ZKSCAN3: variants seen among roughly 807,000 people sequenced by gnomAD.
The protein encoded by ZKSCAN3 is zinc finger with KRAB and SCAN domains 3, also known as zinc finger protein with KRAB and SCAN domains 3.
A neutral mutation model predicts 30.7 loss-of-function variants in ZKSCAN3; 21 were observed. That is an observed-to-expected ratio of 0.68 (90% CI 0.49 to 0.99). ZKSCAN3 has a LOEUF of 0.99. ZKSCAN3 is among the 50% of genes least tolerant of loss of function. The probability of loss-of-function intolerance (pLI) is 0.00; values close to 1 mark genes in which losing one functional copy is unlikely to be tolerated. For synonymous variants in ZKSCAN3, 201 were observed against 246.7 expected, an observed-to-expected ratio of 0.81 and a Z score of 1.73; for missense variants, 507 against 647.1, an observed-to-expected ratio of 0.78 and a Z score of 2.35.
At position 28,361,342 on chromosome 6, in the gene ZKSCAN3, G is replaced by C; in HGVS notation, c.421G>C (p.Gly141Arg). The change falls in exon 3 of 6, where the codon GGG becomes CGG. Residue 141 changes from glycine (G) to arginine (R), a missense_variant. Physicochemically the swap from Gly to Arg is moderately radical, Grantham distance 125. Coordinates refer to ENST00000252211, the MANE Select transcript of ZKSCAN3 (RefSeq NM_024493.4). ...TTTCTAGGTTTCAGGTGTTGACCAG[G>C]GGCAAGAACTGCTCTGTTGCAAGAT... ...PAPQVSGVDQ[G>R]QELLCCKMAL... 1.9e-6 allele frequency: 3 copies of C among 1,612,274 alleles called. No individual in the cohort carries two copies. Among genetic ancestry groups the C allele is most frequent in the Admixed American group, 3.4e-5 (2 of 59,522 alleles).
chr6:28,363,832 C>T lies in ZKSCAN3; in HGVS notation c.757+17C>T, dbSNP rs750956595. The T allele has an allele frequency of 6.2e-7, 1 of 1,611,944 alleles. No individual in the cohort carries two copies. Among genetic ancestry groups the T allele is most frequent in the South Asian group, 1.1e-5 (1 of 90,980 alleles). On this transcript the variant is annotated intron_variant, in intron 5 of 5. Coordinates refer to ENST00000252211, the MANE Select transcript of ZKSCAN3 (RefSeq NM_024493.4). Reference sequence around the variant, plus strand: ...TCTCCCTGGGTAAGACTAAAGGACACTAATTTCTGTTAAGGTTTCTTGGCA... The same window carrying T: ...TCTCCCTGGGTAAGACTAAAGGACATTAATTTCTGTTAAGGTTTCTTGGCA...
chr6:28,354,166 C>A (rs1225893531), intron 1 of ZKSCAN3: 1 of 352,062 alleles, frequency 2.8e-6, no homozygotes, highest in African/African-American at 2.1e-5. Flanking sequence ...TTCTCTCTTA[C>A]AGGGTCAGCA....
intron 1 of ZKSCAN3, chr6:28,353,810 AAAAG>A (rs1765227495): frequency 4.4e-6 from 2 of 456,758 alleles, no homozygotes; most frequent in Non-Finnish European, 8.8e-6. Context: ...CTTATTTAAA[AAAAG>A]AAAGACCAGT....
chr6:28,353,992 G>A (rs1400774770), intron 1 of ZKSCAN3: 1 of 454,286 alleles, frequency 2.2e-6, no homozygotes, highest in Non-Finnish European at 4.4e-6. Flanking sequence ...AGCAGCAGCT[G>A]CTGCAGCTCT....
At position 28,368,801 on chromosome 6, in the gene ZKSCAN3, A is replaced by G. The variant is rs1766074787; in HGVS notation, c.*2516A>G. On this transcript the variant is annotated 3_prime_UTR_variant, in exon 6 of 6. Coordinates refer to ENST00000252211, the MANE Select transcript of ZKSCAN3 (RefSeq NM_024493.4). ...TTCCTTTTTTGTTAGTATCACTTCT[A>G]CTTATTGTAGAAATATGCTTTCATT... 6.5e-6 allele frequency: 1 copy of G among 154,888 alleles called. No homozygotes were observed. The highest frequency in any genetic ancestry group is 2.4e-5 in the African/African-American group (1 of 41,496). The allele number at this position is 154,888 out of a possible 1,614,324, so 9.6% of individuals were successfully genotyped here. A position where few individuals can be genotyped will look rare whatever the true frequency, so the allele number is the denominator to read the frequency against.
At chr6:28,360,807 G>T in intron 2 of ZKSCAN3, 3 of 959,154 alleles carry the variant, frequency 3.1e-6, no homozygotes, top group Non-Finnish European at 3.7e-6. Context: ...AGCTGCACAT[G>T]AGAAAGTAAC....
intron 3 of ZKSCAN3, 105 bp from the exon 4 acceptor site, chr6:28,363,198 C>G: frequency 2.0e-6 from 2 of 1,014,036 alleles, no homozygotes; most frequent in Non-Finnish European, 2.9e-6. Flanking sequence ...TGGGCTCAAT[C>G]AAGTGAGACA....
chr6:28,358,422 T>C (rs1765564231), intron 1 of ZKSCAN3, among the ~76,000 whole-genome samples: 1 of 152,226 alleles, frequency 6.6e-6, no homozygotes, highest in African/African-American at 2.4e-5. Context: ...GTAAACACTT[T>C]TTATATTGTA....
At position 28,366,198 on chromosome 6, in the gene ZKSCAN3, TA is replaced by T; in HGVS notation, c.1532del (p.Asn511MetfsTer21). On this transcript the variant is annotated frameshift_variant, in exon 6 of 6. Coordinates refer to ENST00000252211, the MANE Select transcript of ZKSCAN3 (RefSeq NM_024493.4). LOFTEE classifies it high-confidence loss of function. ...ACACTGGTGAGAAACCCTATCAGTGTAATGCGTGTGGAAAAGGCTTCACCCG... is the reference window on the plus strand; with the variant it reads ...ACACTGGTGAGAAACCCTATCAGTGTATGCGTGTGGAAAAGGCTTCACCCG... ...IHTGEKPYQC[N>X]ACGKGFTRIS... 1 of 1,593,572 alleles carries T rather than the reference TA, an allele frequency of 6.3e-7. No individual in the cohort carries two copies. The highest frequency in any genetic ancestry group is 1.8e-5 in the Admixed American group (1 of 54,170).
Position 28,359,692 on chromosome 6 carries a change from A to C in ZKSCAN3, c.106A>C (p.Ser36Arg). The change falls in exon 2 of 6, where the codon AGT becomes CGT. Residue 36 changes from serine (S) to arginine (R), a missense_variant. By Grantham distance (110) the Ser-to-Arg change is moderately radical. Coordinates refer to ENST00000252211, the MANE Select transcript of ZKSCAN3 (RefSeq NM_024493.4). ...KVEEEEAGFP[S>R]SPDLGSEGSR... is the part of the protein sequence containing the mutation. Reference sequence around the variant, plus strand: ...GGAGGAAGAAGAAGCCGGTTTTCCCAGTAGCCCAGATCTGGGTTCTGAGGG... The same window carrying C: ...GGAGGAAGAAGAAGCCGGTTTTCCCCGTAGCCCAGATCTGGGTTCTGAGGG... The C allele has an allele frequency of 1.9e-6, 3 of 1,614,236 alleles. No individual in the cohort carries two copies. The highest frequency in any genetic ancestry group is 2.5e-6 in the Non-Finnish European group (3 of 1,180,044).
chr6:28,361,610 G>A, intron 3 of ZKSCAN3, 139 bp downstream of exon 3: 2 of 957,710 alleles, frequency 2.1e-6, no homozygotes, highest in Non-Finnish European at 3.0e-6. Flanking sequence ...ACTAAAAGGA[G>A]TATTTCCAAC....
intron 1 of ZKSCAN3, among the ~76,000 whole-genome samples, chr6:28,354,812 A>G (rs549465391): frequency 2.0e-5 from 3 of 152,340 alleles, no homozygotes; most frequent in African/African-American, 4.8e-5. Flanking sequence ...ATCTGGCCAC[A>G]TGGCCTGGCC....
chr6:28,363,581 C>T, intron 4 of ZKSCAN3, 111 bp from the exon 5 acceptor site: 1 of 1,539,808 alleles, frequency 6.5e-7, no homozygotes, highest in East Asian at 2.3e-5. Flanking sequence ...GAGGCTTTTC[C>T]TGTTTATTAC....
chr6:28,358,924 A>T, intron 1 of ZKSCAN3, among the ~76,000 whole-genome samples: 1 of 126,100 alleles, frequency 7.9e-6, no homozygotes, highest in East Asian at 2.3e-4. Context: ...AAAAAAAAAA[A>T]TCAGCTTATT....
intron 1 of ZKSCAN3, chr6:28,354,001 C>T (rs562972552): frequency 3.9e-4 from 178 of 453,918 alleles, no homozygotes; most frequent in African/African-American, 3.1e-3. Context: ...TGCTGCAGCT[C>T]TCACACTGTC....
intron 3 of ZKSCAN3, 63 bp downstream of exon 3, chr6:28,361,534 G>A: frequency 6.5e-7 from 1 of 1,546,062 alleles, no homozygotes; most frequent in Non-Finnish European, 8.7e-7. Context: ...TTTAAGGATA[G>A]CCAACAAAAT....
At chr6:28,353,728 A>T (rs1173259908) in intron 1 of ZKSCAN3, 1 of 427,692 alleles carries the variant, frequency 2.3e-6, no homozygotes, top group Non-Finnish European at 4.7e-6. Context: ...CTTGCGAGTG[A>T]TTAAAGATAG....
chr6:28,360,638 GCA>G (rs1765714692), intron 2 of ZKSCAN3: 6 of 985,262 alleles, frequency 6.1e-6, no homozygotes, highest in Non-Finnish European at 6.0e-6. Context: ...GTGTCCCTGT[GCA>G]CACACCCTCA....
At chr6:28,360,689 G>GGTA in intron 2 of ZKSCAN3, 1 of 985,358 alleles carries the variant, frequency 1.0e-6, no homozygotes, top group Non-Finnish European at 1.2e-6. Flanking sequence ...ATGGTGAGCT[G>GGTA]GATACCAGGG....
Sources: gnomAD v4.1 joint callset for allele counts (sites outside exome capture counted in the v4.1 genomes callset) on GRCh38, gnomAD v4.1.1 for gene constraint, MANE v1.5 for transcripts, NCBI Gene and HGNC (gene_info 2026-07-23, HGNC 2026-07-21) for gene names.